The following UACA variants were observed in gnomAD, a reference collection of about 807,000 sequenced individuals.
UACA encodes nuclear membrane binding protein.
Under a neutral mutation model 160.5 loss-of-function variants are expected in UACA, and 112 were observed. The observed-to-expected ratio is 0.70, with a 90% confidence interval of 0.60 to 0.82. UACA has a LOEUF of 0.82. Ranked by LOEUF, UACA falls within the 40% of genes least tolerant of loss-of-function variation. The pLI, the probability that UACA is intolerant of heterozygous loss-of-function variation, is 0.00. For missense variants in UACA, 1,574 were observed against 1,614.6 expected (o/e 0.97, Z 0.43); for synonymous variants, 557 against 568.4 (o/e 0.98, Z 0.29).
rs1342712529 is a variant in UACA, at chr15:70,655,542, T to C, written c.*1514A>G. On this transcript the variant is annotated 3_prime_UTR_variant, in exon 19 of 19. Transcript: ENST00000322954. Reference sequence around the variant, plus strand: ...CACCCCCGGCAACTTTTTTAATTTATATTTTATTTTTTATTGAAATAGGTG... The same window carrying C: ...CACCCCCGGCAACTTTTTTAATTTACATTTTATTTTTTATTGAAATAGGTG... 1 of 152,156 alleles carries C rather than the reference T, an allele frequency of 6.6e-6. No homozygotes were observed. Among genetic ancestry groups the C allele is most frequent in the African/African-American group, 2.4e-5 (1 of 41,444 alleles). The allele number at this position is 152,156 out of a possible 1,614,324, so 9.4% of individuals were successfully genotyped here.
At chr15:70,765,700 A>G (rs2030995153), upstream of UACA, among the ~76,000 whole-genome samples, 1 of 152,200 alleles carries the variant, frequency 6.6e-6, no homozygotes, top group Non-Finnish European at 1.5e-5. Context: ...ATAGCAAATT[A>G]TGGTTGTTTG....
intron 8 of UACA, 58 bp from the exon 9 acceptor site, chr15:70,682,853 G>T (rs923629819): frequency 8.4e-7 from 1 of 1,195,516 alleles, no homozygotes; most frequent in Non-Finnish European, 1.2e-6. Flanking sequence ...GGGTAGGTAC[G>T]CATTCCCTAA....
chr15:70,706,807 C>G (rs771003450), intron 1 of UACA, among the ~76,000 whole-genome samples: 5 of 152,096 alleles, frequency 3.3e-5, no homozygotes, highest in African/African-American at 7.2e-5. Context: ...AGTGACAAAT[C>G]TAAAGACATC....
At chr15:70,776,629 AG>A in the UACA span, among the ~76,000 whole-genome samples, 20 of 152,100 alleles carry the variant, frequency 1.3e-4, no homozygotes, top group East Asian at 1.2e-3. Flanking sequence ...GGGTTTCACC[AG>A]GTTGGCCAGG....
chr15:70,691,611 T>TA (rs1298748926), intron 3 of UACA, among the ~76,000 whole-genome samples: 5 of 152,204 alleles, frequency 3.3e-5, no homozygotes, highest in Admixed American at 3.3e-4. Flanking sequence ...AACTTTGTTG[T>TA]ATTCACTACT....
At chr15:70,701,241 C>T (rs1898350830) in intron 1 of UACA, among the ~76,000 whole-genome samples, 1 of 152,156 alleles carries the variant, frequency 6.6e-6, no homozygotes, top group South Asian at 2.1e-4. Flanking sequence ...ACTATGAGTA[C>T]AGAATAACCC....
At chr15:70,701,977 G>A in intron 1 of UACA, 1 of 1,602,428 alleles carries the variant, frequency 6.2e-7, no homozygotes, top group Non-Finnish European at 8.5e-7. Context: ...ACAAATCTCT[G>A]TAAGCTCACA....
intron 1 of UACA, among the ~76,000 whole-genome samples, chr15:70,728,784 A>T (rs979760839): frequency 2.6e-5 from 4 of 152,030 alleles, no homozygotes; most frequent in African/African-American, 9.7e-5. Context: ...ATAGTCACAA[A>T]CTATGTATCC....
intron 16 of UACA, among the ~76,000 whole-genome samples, chr15:70,665,587 A>T (rs1186739241): frequency 6.6e-6 from 1 of 152,172 alleles, no homozygotes; most frequent in Non-Finnish European, 1.5e-5. Context: ...CCCCCACAAA[A>T]TTTTTTATTG....
chr15:70,667,383 G>C lies in UACA; in HGVS notation c.3301C>G (p.Leu1101Val), dbSNP rs1227412444. 3.1e-6 allele frequency: 5 copies of C among 1,612,612 alleles called. No individual in the cohort carries two copies. The Admixed American group carries it at 5.0e-5, about 16-fold the overall frequency. The change falls in exon 16 of 19, where the codon CTT becomes GTT. Residue 1101 changes from leucine to valine, a missense_variant. Physicochemically the swap from Leu to Val is conservative, Grantham distance 32. Transcript: ENST00000322954. ...EENAKQTSEILAVQNLLQKQH... is the reference protein window; with the variant it reads ...EENAKQTSEIVAVQNLLQKQH... ...TTTTGCAAAAGATTTTGCACTGCAAGTATCTCAGAAGTCTGTTTGGCATTT... is the reference window on the plus strand; with the variant it reads ...TTTTGCAAAAGATTTTGCACTGCAACTATCTCAGAAGTCTGTTTGGCATTT...
At chr15:70,686,436 T>A (rs967450381) in intron 7 of UACA, among the ~76,000 whole-genome samples, 205 of 150,890 alleles carry the variant, frequency 1.4e-3, no homozygotes, top group African/African-American at 4.5e-3. Context: ...GAAGTCAATA[T>A]AAAGAAATGC....
At chr15:70,666,359 T>G (rs912523511) in intron 16 of UACA, among the ~76,000 whole-genome samples, 2 of 152,148 alleles carry the variant, frequency 1.3e-5, no homozygotes, top group Non-Finnish European at 2.9e-5. Context: ...CAACTCTAGA[T>G]GCTCCCCAGT....
intron 17 of UACA, among the ~76,000 whole-genome samples, chr15:70,663,696 A>T (rs887218528): frequency 6.6e-6 from 1 of 152,180 alleles, no homozygotes; most frequent in African/African-American, 2.4e-5. Context: ...GTGATAAAAA[A>T]GGATGAGTTC....
chr15:70,679,805 G>A (rs1018421934), intron 9 of UACA, 129 bp from the exon 10 acceptor site: 5 of 486,528 alleles, frequency 1.0e-5, no homozygotes, highest in African/African-American at 1.0e-4. Flanking sequence ...ATAACACAAG[G>A]TGGCAGTGTT....
At chr15:70,663,925 C>T (rs960127045) in intron 17 of UACA, among the ~76,000 whole-genome samples, 1 of 151,514 alleles carries the variant, frequency 6.6e-6, no homozygotes, top group Admixed American at 6.6e-5. Flanking sequence ...TGTTAAATGA[C>T]GAGTTAATGG....
intron 5 of UACA, 51 bp downstream of exon 5, chr15:70,690,403 A>T (rs1247769220): frequency 6.6e-7 from 1 of 1,510,464 alleles, no homozygotes; most frequent in Non-Finnish European, 9.2e-7. Context: ...ATTAATTCAA[A>T]TGACTAGACA....
upstream of UACA, among the ~76,000 whole-genome samples, chr15:70,764,278 CA>C (rs889945579): frequency 6.6e-6 from 1 of 152,048 alleles, no homozygotes; most frequent in Non-Finnish European, 1.5e-5. Context: ...TTTAAGTTGT[CA>C]AAAAAAGTTA....
chr15:70,691,213 G>T, intron 4 of UACA, 86 bp downstream of exon 4: 4 of 911,460 alleles, frequency 4.4e-6, no homozygotes, highest in South Asian at 1.9e-5. Flanking sequence ...TATTCTCTTT[G>T]ATCTAAAATT....
intron 18 of UACA, 136 bp from the exon 19 acceptor site, chr15:70,657,263 A>C (rs886334860): frequency 2.8e-6 from 2 of 715,224 alleles, no homozygotes; most frequent in African/African-American, 3.5e-5. Context: ...GTGATTTCTA[A>C]AGGAATTACT....
Sources: gnomAD v4.1 joint callset for allele counts (sites outside exome capture counted in the v4.1 genomes callset) on GRCh38, gnomAD v4.1.1 for gene constraint, MANE v1.5 for transcripts, NCBI Gene and HGNC (gene_info 2026-07-23, HGNC 2026-07-21) for gene names.